NSD2: variants seen among roughly 807,000 people sequenced by gnomAD.
NSD2 encodes the protein histone-lysine N-methyltransferase NSD2.
Under a neutral mutation model 139.0 loss-of-function variants are expected in NSD2, and 12 were observed. The ratio of observed to expected loss-of-function variants is 0.09; its 90% confidence interval spans 0.06 to 0.14. The LOEUF (loss-of-function observed/expected upper bound fraction) is 0.14. Ranked by LOEUF, NSD2 falls within the 10% of genes least tolerant of loss-of-function variation. The pLI, the probability that NSD2 is intolerant of heterozygous loss-of-function variation, is 1.00. For missense variants in NSD2, 1,155 were observed against 1,745.0 expected (o/e 0.66, Z 6.02); for synonymous variants, 669 against 648.7 (o/e 1.03, Z -0.48).
intron 1 of NSD2, among the ~76,000 whole-genome samples, chr4:1,897,480 C>A (rs1716514373): frequency 6.6e-6 from 1 of 151,418 alleles, no homozygotes; most frequent in African/African-American, 2.4e-5. Flanking sequence ...GGTAGTGAGA[C>A]CCTGTCTCAA....
chr4:1,978,427 T>C (rs1727355771), intron 21 of NSD2, among the ~76,000 whole-genome samples: 2 of 152,094 alleles, frequency 1.3e-5, no homozygotes. Flanking sequence ...AGGTGGTCCT[T>C]AGGGGCCTGG....
chr4:1,901,205 T>C lies in NSD2; in HGVS notation c.551T>C (p.Val184Ala), dbSNP rs1313506074. The part of the protein sequence containing the change: ...KYDSLLEQGL[V>A]EAALVSKISS... The stretch of plus-strand genomic sequence containing the variant: ...GACTCCTTGCTGGAGCAGGGCCTTG[T>C]CGAAGCAGCTCTTGTGTCTAAGATC... Residue 184 changes from valine to alanine, a missense_variant, in exon 2 of 22, where the codon GTC (valine) becomes GCC (alanine). Around this residue, in one of 8 missense-constraint regions of NSD2, gnomAD observed 246 missense variants for 262.8 expected, o/e 0.94. Coordinates refer to ENST00000508803, the MANE Select transcript of NSD2 (RefSeq NM_001042424.3). 31 of 1,601,148 alleles carry C rather than the reference T, an allele frequency of 1.9e-5. No homozygotes were observed. The highest frequency in any genetic ancestry group is 2.6e-5 in the Non-Finnish European group (30 of 1,175,438).
intron 9 of NSD2, chr4:1,940,341 A>AAT: frequency 9.4e-7 from 1 of 1,069,188 alleles, no homozygotes; most frequent in Admixed American, 5.0e-5. Flanking sequence ...CTACCATTGT[A>AAT]ATATGACTCC....
rs149396950 is a variant in NSD2 at position 1,901,035 on chromosome 4, A to G, written c.381A>G (p.Lys127=). The part of the protein sequence containing the change: ...IKNGSPEIKL[K]ITKTYMNGKP... ...ATGGCTCTCCAGAAATTAAGCTGAA[A>G]ATCACCAAAACATACATGAATGGGA... is the stretch of plus-strand genomic sequence containing the variant. Residue 127 remains lysine, a synonymous_variant, in exon 2 of 22, where the codon AAA becomes AAG. Transcript: ENST00000508803. 6.3e-3 allele frequency: 10,202 copies of G among 1,614,212 alleles called. 40 individuals carry two copies. The highest frequency in any genetic ancestry group is 7.5e-3 in the Non-Finnish European group (8,875 of 1,180,036).
intron 9 of NSD2, chr4:1,943,205 G>T: frequency 9.6e-7 from 1 of 1,041,030 alleles, no homozygotes; most frequent in African/African-American, 1.7e-5. Flanking sequence ...TTGCCCTTCA[G>T]CTCATAAAAG....
intron 11 of NSD2, 48 bp downstream of exon 11, chr4:1,952,279 T>TCCTGCAACCCCCTGCA: frequency 6.2e-7 from 1 of 1,607,760 alleles, no homozygotes; most frequent in Non-Finnish European, 8.5e-7. Context: ...GGCCACCTGC[T>TCCTGCAACCCCCTGCA]CCTGCAACCC....
chr4:1,981,430 A>G lies in NSD2; in HGVS notation c.*2521A>G, dbSNP rs180696589. Reference sequence around the variant, plus strand: ...GGTGACTTCCTGAACATCAGCTTCAATCCTCCATCATTAATGTGAAGCAAA... The same window carrying G: ...GGTGACTTCCTGAACATCAGCTTCAGTCCTCCATCATTAATGTGAAGCAAA... On this transcript the variant is annotated 3_prime_UTR_variant, in exon 22 of 22. Transcript: ENST00000508803. 2.5e-3 allele frequency: 586 copies of G among 234,454 alleles called. 1 individual carries two copies. The highest frequency in any genetic ancestry group is 3.9e-3 in the Non-Finnish European group (466 of 118,882). The allele number at this position is 234,454 out of a possible 1,614,324, so 14.5% of individuals were successfully genotyped here. A position where few individuals can be genotyped will look rare whatever the true frequency, so the allele number is the denominator to read the frequency against.
In NSD2 at chr4:1,979,239, T is replaced by C. The variant is rs1727498052; in HGVS notation, c.*330T>C. The C allele has an allele frequency of 3.4e-6, 1 of 294,772 alleles. No homozygotes were observed. Among genetic ancestry groups the C allele is most frequent in the Non-Finnish European group, 6.3e-6 (1 of 159,700 alleles). 18.3% of individuals were successfully genotyped at this position (294,772 alleles called of 1,614,324 possible). A position where few individuals can be genotyped will look rare whatever the true frequency, so the allele number is the denominator to read the frequency against. ...GGTTAAAGTTAATTGGCATATGGAA[T>C]GTTTTAATCTCCTCTGAAATGTGTA... On this transcript the variant is annotated 3_prime_UTR_variant, in exon 22 of 22. Transcript: ENST00000508803.
intron 18 of NSD2, 128 bp downstream of exon 18, chr4:1,961,279 A>G: frequency 5.3e-6 from 4 of 748,274 alleles, no homozygotes; most frequent in Non-Finnish European, 8.7e-6. Flanking sequence ...ATTTTCAAAC[A>G]TCTGCACATT....
At chr4:1,901,489 C>T (rs998715255) in intron 2 of NSD2, among the ~76,000 whole-genome samples, 1 of 152,196 alleles carries the variant, frequency 6.6e-6, no homozygotes, top group African/African-American at 2.4e-5. Flanking sequence ...GAGAGGTGAG[C>T]TAAGTGTTCA....
intron 9 of NSD2, chr4:1,944,604 C>G (rs941374790): frequency 9.4e-7 from 1 of 1,063,470 alleles, no homozygotes; most frequent in African/African-American, 1.6e-5. Context: ...TATATAAAAG[C>G]TTAGATTGTA....
intron 1 of NSD2, among the ~76,000 whole-genome samples, chr4:1,874,137 G>C (rs1204180946): frequency 3.3e-5 from 5 of 152,202 alleles, no homozygotes; most frequent in Non-Finnish European, 5.9e-5. Context: ...TCTGATCTAC[G>C]TGTTTGGTTT....
At chr4:1,940,627 G>A in intron 9 of NSD2, 1 of 1,062,520 alleles carries the variant, frequency 9.4e-7, no homozygotes, top group Non-Finnish European at 1.1e-6. Context: ...TTGTAGACAT[G>A]GGTCCTGTTT....
At chr4:1,977,688 A>G (rs1215641361) in intron 21 of NSD2, among the ~76,000 whole-genome samples, 1 of 152,062 alleles carries the variant, frequency 6.6e-6, no homozygotes, top group Non-Finnish European at 1.5e-5. Context: ...AGGCAGGAGA[A>G]ATGCTTGAAC....
intron 2 of NSD2, among the ~76,000 whole-genome samples, chr4:1,903,223 G>A (rs997031515): frequency 1.3e-5 from 2 of 152,208 alleles, no homozygotes; most frequent in Admixed American, 1.3e-4. Flanking sequence ...TTACTCATGT[G>A]TATAGTGCTC....
chr4:1,917,989 C>A, intron 4 of NSD2, 152 bp from the exon 5 acceptor site: 1 of 871,330 alleles, frequency 1.1e-6, no homozygotes, highest in Non-Finnish European at 1.7e-6. Context: ...CCATGTTGAC[C>A]AGGCTGGTCT....
intron 5 of NSD2, among the ~76,000 whole-genome samples, chr4:1,927,346 G>A (rs938827880): frequency 6.6e-6 from 1 of 152,178 alleles, no homozygotes; most frequent in African/African-American, 2.4e-5. Flanking sequence ...GGCTCACAGA[G>A]GGGTTGGGGG....
chr4:1,922,941 G>A (rs1436113778), intron 5 of NSD2, among the ~76,000 whole-genome samples: 1 of 151,858 alleles, frequency 6.6e-6, no homozygotes, highest in East Asian at 1.9e-4. Context: ...AAATAAAATA[G>A]CAGTATTCAC....
intron 1 of NSD2, among the ~76,000 whole-genome samples, chr4:1,890,553 G>A (rs1715452516): frequency 6.6e-6 from 1 of 151,342 alleles, no homozygotes; most frequent in Non-Finnish European, 1.5e-5. Context: ...CGCCCACCTC[G>A]GCCTCCCAAA....
Sources: allele counts gnomAD v4.1 joint callset (sites outside exome capture counted in the v4.1 genomes callset), GRCh38; gene constraint gnomAD v4.1.1; regional missense constraint gnomAD v4.1.1; transcripts MANE v1.5; gene names NCBI Gene and HGNC (gene_info 2026-07-23, HGNC 2026-07-21).